IQCM: variants seen among roughly 807,000 people sequenced by gnomAD.
The protein encoded by IQCM is IQ motif containing M, also known as IQ domain-containing protein M.
Under a neutral mutation model 57.6 loss-of-function variants are expected in IQCM, and 45 were observed. The observed-to-expected ratio is 0.78, with a 90% CI of 0.62 to 1.00. The LOEUF (loss-of-function observed/expected upper bound fraction) is 1.00. Ranked by LOEUF, IQCM falls within the 50% of genes least tolerant of loss-of-function variation. The pLI, the probability that IQCM is intolerant of heterozygous loss-of-function variation, is 0.00. For missense variants in IQCM, 468 were observed against 511.6 expected (o/e 0.91, Z 0.82); for synonymous variants, 148 against 158.9 (o/e 0.93, Z 0.51).
intron 9 of IQCM, among the ~76,000 whole-genome samples, chr4:149,576,921 G>A (rs1002154696): frequency 6.6e-6 from 1 of 151,622 alleles, no homozygotes; most frequent in Admixed American, 6.6e-5. Flanking sequence ...CTTTTTAATA[G>A]TACCCATTCT....
At chr4:149,649,698 C>CA (rs1442045586) in intron 7 of IQCM, among the ~76,000 whole-genome samples, 6 of 152,082 alleles carry the variant, frequency 3.9e-5, no homozygotes, top group African/African-American at 1.4e-4. Context: ...AGCACTATTC[C>CA]AAGGCCTCCA....
intron 5 of IQCM, among the ~76,000 whole-genome samples, chr4:149,692,632 G>A (rs777411975): frequency 1.8e-4 from 28 of 152,102 alleles, no homozygotes; most frequent in Non-Finnish European, 2.4e-4. Flanking sequence ...TTTTTAAAAA[G>A]TAGTATATAG....
At chr4:149,622,333 A>G (rs1169349994) in intron 7 of IQCM, among the ~76,000 whole-genome samples, 4 of 148,032 alleles carry the variant, frequency 2.7e-5, no homozygotes, top group Non-Finnish European at 4.4e-5. Context: ...AATGTGAATC[A>G]GTGGAATTCT....
rs190487286 is a variant in IQCM, at chr4:149,616,755, G to T, written c.681+4374C>A. ...GCGGCAGCGGGGTGTGGGGAGGGGA[G>T]GGAGAGCATAAGGACAAATAGCTAA... is the stretch of plus-strand genomic sequence containing the variant. On this transcript the variant is annotated intron_variant, in intron 8 of 13. Coordinates refer to ENST00000636793, the MANE Select transcript of IQCM (RefSeq NM_001363507.2). Among the ~76,000 whole-genome samples, 16 of 152,080 alleles carry T rather than the reference G, an allele frequency of 1.1e-4. No homozygotes were observed. In the East Asian group the frequency reaches 2.7e-3, roughly 26 times the overall value.
chr4:149,788,034 C>G (rs1772229164), intron 2 of IQCM, among the ~76,000 whole-genome samples: 1 of 152,080 alleles, frequency 6.6e-6, no homozygotes, highest in African/African-American at 2.4e-5. Context: ...AGACATTTTT[C>G]AAAAGAACAC....
chr4:149,396,164 C>T (rs1732214258), intron 13 of IQCM, among the ~76,000 whole-genome samples: 1 of 151,414 alleles, frequency 6.6e-6, no homozygotes, highest in Admixed American at 6.6e-5. Context: ...CAAAAAATAC[C>T]TGCATCATCA....
intron 12 of IQCM, among the ~76,000 whole-genome samples, chr4:149,496,092 T>C (rs980834389): frequency 6.6e-6 from 1 of 151,964 alleles, no homozygotes; most frequent in African/African-American, 2.4e-5. Flanking sequence ...CTTTGAGAAA[T>C]GTGCAATAAA....
At chr4:149,440,569 AT>A (rs1352792603) in intron 12 of IQCM, among the ~76,000 whole-genome samples, 1 of 152,140 alleles carries the variant, frequency 6.6e-6, no homozygotes, top group African/African-American at 2.4e-5. Context: ...TTACTCAACA[AT>A]TACATTAGCC....
intron 12 of IQCM, among the ~76,000 whole-genome samples, chr4:149,484,438 C>T (rs1221234096): frequency 6.6e-6 from 1 of 151,684 alleles, no homozygotes. Flanking sequence ...GGTATTATTT[C>T]TTGCTTTTTA....
chr4:149,444,690 CAG>C (rs1736316554), intron 12 of IQCM, among the ~76,000 whole-genome samples: 1 of 149,900 alleles, frequency 6.7e-6, no homozygotes, highest in African/African-American at 2.4e-5. Context: ...GAAAAAAAAA[CAG>C]ATTAGCAGGC....
intron 12 of IQCM, among the ~76,000 whole-genome samples, chr4:149,506,696 A>G (rs146954830): frequency 1.5e-3 from 227 of 152,358 alleles, no homozygotes; most frequent in African/African-American, 5.2e-3. Context: ...TAAAGAATCC[A>G]CAAATAATTC....
chr4:149,649,518 C>T (rs1324969676), intron 7 of IQCM, among the ~76,000 whole-genome samples: 1 of 151,950 alleles, frequency 6.6e-6, no homozygotes, highest in African/African-American at 2.4e-5. Context: ...TCTATGGTGA[C>T]TTTTTAAAGA....
chr4:149,732,939 C>A (rs1199817223), intron 5 of IQCM, among the ~76,000 whole-genome samples: 1 of 152,202 alleles, frequency 6.6e-6, no homozygotes, highest in Non-Finnish European at 1.5e-5. Flanking sequence ...TCGTCCATGG[C>A]TGCTTTAGCA....
intron 10 of IQCM, among the ~76,000 whole-genome samples, chr4:149,557,126 T>A (rs571741777): frequency 6.6e-6 from 1 of 152,310 alleles, no homozygotes; most frequent in African/African-American, 2.4e-5. Context: ...CTTGGCTTCA[T>A]GTCTCTGATG....
chr4:149,556,306 T>A (rs2149916631), intron 10 of IQCM, among the ~76,000 whole-genome samples: 1 of 152,230 alleles, frequency 6.6e-6, no homozygotes, highest in East Asian at 1.9e-4. Flanking sequence ...ATGTCTTTTT[T>A]TTTTTTCTTA....
chr4:149,461,896 A>G (rs1029590574), intron 12 of IQCM, among the ~76,000 whole-genome samples: 2 of 151,938 alleles, frequency 1.3e-5, no homozygotes, highest in Admixed American at 6.6e-5. Context: ...TTTTCAACAG[A>G]AGAAATTTTT....
At chr4:149,591,043 C>T (rs745908728) in intron 8 of IQCM, among the ~76,000 whole-genome samples, 3 of 152,058 alleles carry the variant, frequency 2.0e-5, no homozygotes, top group Middle Eastern at 3.4e-3. Flanking sequence ...ATTAAACTCC[C>T]CTGGAAAAAT....
chr4:149,380,584 G>C (rs1296740914), intron 13 of IQCM, among the ~76,000 whole-genome samples: 1 of 152,146 alleles, frequency 6.6e-6, no homozygotes, highest in Non-Finnish European at 1.5e-5. Context: ...TCTTTCGGAA[G>C]AAGAGGGTCA....
chr4:149,781,139 G>A (rs144522056), intron 2 of IQCM, among the ~76,000 whole-genome samples: 2,900 of 152,214 alleles, frequency 0.019, 39 homozygotes, highest in Non-Finnish European at 0.031. Flanking sequence ...AGAAGAAGCA[G>A]AAAGCTAAGG....
Sources: allele counts gnomAD v4.1 joint callset (sites outside exome capture counted in the v4.1 genomes callset), GRCh38; gene constraint gnomAD v4.1.1; transcripts MANE v1.5; gene names NCBI Gene and HGNC (gene_info 2026-07-23, HGNC 2026-07-21).